Variants in RBFOX1 observed in about 807,000 individuals in gnomAD.
The protein encoded by RBFOX1 is RNA binding protein fox-1 homolog 1.
Under a neutral mutation model 57.7 loss-of-function variants are expected in RBFOX1, and 8 were observed. The ratio of observed to expected loss-of-function variants is 0.14; its 90% CI spans 0.08 to 0.25. RBFOX1 has a LOEUF of 0.25. Among genes scored for constraint, RBFOX1 ranks in the 10% least tolerant of loss-of-function variants. The probability of loss-of-function intolerance (pLI) is 1.00; values close to 1 mark genes in which losing one functional copy is unlikely to be tolerated. For synonymous variants in RBFOX1, 326 were observed against 222.4 expected (o/e 1.47, Z -4.15); for missense variants, 611 against 548.5 (o/e 1.11, Z -1.14).
intron 1 of RBFOX1, among the ~76,000 whole-genome samples, chr16:5,425,250 C>G (rs147711914): frequency 6.6e-6 from 1 of 152,012 alleles, no homozygotes; most frequent in South Asian, 2.1e-4. Flanking sequence ...GGATTATAGA[C>G]GTGCACCACC....
At chr16:5,497,460 G>T (rs1035702289) in intron 2 of RBFOX1, among the ~76,000 whole-genome samples, 4 of 151,952 alleles carry the variant, frequency 2.6e-5, no homozygotes, top group East Asian at 3.9e-4. Context: ...CAAGAAAGAA[G>T]CACTTTTAGC....
At chr16:5,257,786 C>T (rs982386501) in intron 1 of RBFOX1, among the ~76,000 whole-genome samples, 7 of 152,124 alleles carry the variant, frequency 4.6e-5, no homozygotes, top group African/African-American at 1.4e-4. Context: ...TACTTTGTCT[C>T]GACTTCCTCT....
chr16:5,328,422 G>A (rs1445299810), intron 1 of RBFOX1, among the ~76,000 whole-genome samples: 1 of 152,228 alleles, frequency 6.6e-6, no homozygotes, highest in African/African-American at 2.4e-5. Flanking sequence ...ACAGAATTGT[G>A]AGGAAGTACA....
chr16:6,769,934 C>T (rs981151228), intron 3 of RBFOX1, among the ~76,000 whole-genome samples: 4 of 152,232 alleles, frequency 2.6e-5, no homozygotes, highest in African/African-American at 4.8e-5. Flanking sequence ...AGGGGGATTT[C>T]GTGAACTGTT....
intron 9 of RBFOX1, among the ~76,000 whole-genome samples, chr16:7,603,924 G>C (rs1372704047): frequency 1.3e-5 from 2 of 152,078 alleles, no homozygotes; most frequent in African/African-American, 4.8e-5. Context: ...AATGGACAGG[G>C]GGAAGGAGGA....
chr16:6,571,511 T>C (rs968190539), intron 2 of RBFOX1, among the ~76,000 whole-genome samples: 1 of 152,082 alleles, frequency 6.6e-6, no homozygotes, highest in African/African-American at 2.4e-5. Flanking sequence ...TTGGGTGAAA[T>C]AAAAGGCAAG....
At chr16:5,789,286 C>A (rs2342735) in intron 3 of RBFOX1, among the ~76,000 whole-genome samples, 52,229 of 151,940 alleles carry the variant, frequency 0.34, 9,863 homozygotes, top group East Asian at 0.55. Context: ...GGGAGCCAGG[C>A]GCATCAGGGA....
At chr16:7,585,106 T>C (rs569047977) in intron 6 of RBFOX1, among the ~76,000 whole-genome samples, 3 of 152,344 alleles carry the variant, frequency 2.0e-5, no homozygotes, top group South Asian at 2.1e-4. Context: ...TGTAAATATA[T>C]GTGCTTCTAG....
intron 3 of RBFOX1, among the ~76,000 whole-genome samples, chr16:6,951,281 G>C (rs538844881): frequency 6.6e-5 from 10 of 152,240 alleles, no homozygotes; most frequent in Admixed American, 2.0e-4. Context: ...CATCTTCTGA[G>C]GGGTCAGTTT....
chr16:7,151,835 G>A (rs1328431433), intron 4 of RBFOX1, among the ~76,000 whole-genome samples: 7 of 151,998 alleles, frequency 4.6e-5, no homozygotes, highest in Non-Finnish European at 8.8e-5. Context: ...TAGCTCCTTC[G>A]CATGCACAGT....
intron 1 of RBFOX1, among the ~76,000 whole-genome samples, chr16:6,100,139 TG>T (rs1332116721): frequency 1.6e-4 from 24 of 152,050 alleles, no homozygotes; most frequent in Middle Eastern, 3.4e-3. Flanking sequence ...ATTGCATTAT[TG>T]TTTTTTTTGT....
chr16:5,556,322 C>A (rs141983628), intron 2 of RBFOX1, among the ~76,000 whole-genome samples: 1 of 152,154 alleles, frequency 6.6e-6, no homozygotes, highest in Non-Finnish European at 1.5e-5. Flanking sequence ...TCGTGATTGG[C>A]TCTGGTGGGG....
At chr16:7,694,764 C>T (rs953863914) in intron 14 of RBFOX1, among the ~76,000 whole-genome samples, 72 of 151,994 alleles carry the variant, frequency 4.7e-4, no homozygotes, top group African/African-American at 1.7e-3. Context: ...TTTTCAGAGC[C>T]TTAGTGGAAT....
chr16:7,143,261 G>C (rs933659559), intron 4 of RBFOX1, among the ~76,000 whole-genome samples: 4 of 152,024 alleles, frequency 2.6e-5, no homozygotes, highest in Non-Finnish European at 2.9e-5. Flanking sequence ...GAGAGAGGAA[G>C]AGAGAGGAGA....
intron 14 of RBFOX1, among the ~76,000 whole-genome samples, chr16:7,699,222 C>G (rs565403334): frequency 6.6e-6 from 1 of 152,150 alleles, no homozygotes; most frequent in Admixed American, 6.5e-5. Context: ...GGGTCTCTGT[C>G]ATCCAGGCTG....
chr16:5,521,330 C>A (rs1412709159), intron 2 of RBFOX1, among the ~76,000 whole-genome samples: 2 of 120,442 alleles, frequency 1.7e-5, no homozygotes, highest in Admixed American at 2.5e-4. Flanking sequence ...GCAATTCATG[C>A]AGACTCAGCA....
At position 5,562,535 on chromosome 16, in the gene RBFOX1, A is replaced by G. The variant is rs187366466; in HGVS notation, c.259-36367A>G. 9.2e-5 allele frequency among the ~76,000 whole-genome samples: 14 copies of G among 152,242 alleles called. No individual in the cohort carries two copies. The East Asian group carries it at 2.5e-3, about 27-fold the overall frequency. On this transcript the variant is annotated intron_variant, in intron 2 of 2. Transcript: ENST00000585867. ...GACCTGGGGGAGACAGGAAGACCCC[A>G]GGGGTTGGTCTTGGGATCAGAGGAT...
intron 4 of RBFOX1, among the ~76,000 whole-genome samples, chr16:5,874,866 G>A (rs976196145): frequency 1.3e-5 from 2 of 152,072 alleles, no homozygotes; most frequent in African/African-American, 4.8e-5. Flanking sequence ...GATCACTTGG[G>A]ACCCAGGAGT....
At chr16:6,736,912 T>G (rs1470302507) in intron 3 of RBFOX1, among the ~76,000 whole-genome samples, 1 of 151,730 alleles carries the variant, frequency 6.6e-6, no homozygotes, top group Non-Finnish European at 1.5e-5. Context: ...CAGGGAGGAG[T>G]GCTGTGATGG....
Sources: gnomAD v4.1 joint callset for allele counts (sites outside exome capture counted in the v4.1 genomes callset) on GRCh38, gnomAD v4.1.1 for gene constraint, MANE v1.5 for transcripts, NCBI Gene and HGNC (gene_info 2026-07-23, HGNC 2026-07-21) for gene names.